PDZD2: variants seen among roughly 807,000 people sequenced by gnomAD.
PDZD2 encodes the protein PDZ domain-containing protein 2.
In PDZD2, 90 loss-of-function variants were observed where a neutral mutation model predicts 220.7. The observed-to-expected ratio is 0.41, with a 90% CI of 0.34 to 0.49. PDZD2 has a LOEUF of 0.49. Among genes scored for constraint, PDZD2 ranks in the 20% least tolerant of loss-of-function variants. The probability of loss-of-function intolerance (pLI) is 0.28; values close to 1 mark genes in which losing one functional copy is unlikely to be tolerated. For synonymous variants in PDZD2, 1,375 were observed against 1,450.5 expected, an observed-to-expected ratio of 0.95 and a Z score of 1.18; for missense variants, 3,174 against 3,608.5, an observed-to-expected ratio of 0.88 and a Z score of 3.08.
At position 32,074,646 on chromosome 5, in the gene PDZD2, A is replaced by G. The variant is rs1741114360; in HGVS notation, c.3537+3A>G. ...AGCCAGGTGGAGCTGTGGAGAAGGT[A>G]ACTGACTTTCTCTTAGTTACTTGGA... On this transcript the variant is annotated splice_donor_region_variant and intron_variant, in intron 18 of 24. Transcript: ENST00000438447. 6.3e-7 allele frequency: 1 copy of G among 1,583,856 alleles called. No homozygotes were observed. Among genetic ancestry groups the G allele is most frequent in the Non-Finnish European group, 8.6e-7 (1 of 1,163,080 alleles).
chr5:31,993,223 G>A (rs1751367927), intron 3 of PDZD2, among the ~76,000 whole-genome samples: 1 of 152,208 alleles, frequency 6.6e-6, no homozygotes, highest in Non-Finnish European at 1.5e-5. Flanking sequence ...GGATGAAATA[G>A]AGATCATTGA....
At chr5:31,734,241 T>A (rs1217965718) in intron 1 of PDZD2, among the ~76,000 whole-genome samples, 2 of 151,910 alleles carry the variant, frequency 1.3e-5, no homozygotes, top group Non-Finnish European at 2.9e-5. Context: ...CCTCTCGGGG[T>A]GTTCCACTCT....
intron 1 of PDZD2, among the ~76,000 whole-genome samples, chr5:31,680,115 C>T (rs1746595692): frequency 6.6e-6 from 1 of 152,144 alleles, no homozygotes; most frequent in African/African-American, 2.4e-5. Context: ...CTTGTCAAGT[C>T]CTCACTCATT....
chr5:31,796,453 C>A (rs17416024), intron 1 of PDZD2, among the ~76,000 whole-genome samples: 11,915 of 152,124 alleles, frequency 0.078, 601 homozygotes, highest in South Asian at 0.19. Flanking sequence ...TACTCAATCC[C>A]CACAGGAGAT....
chr5:31,698,843 C>G (rs1205276483), intron 1 of PDZD2, among the ~76,000 whole-genome samples: 1 of 152,222 alleles, frequency 6.6e-6, no homozygotes, highest in Non-Finnish European at 1.5e-5. Context: ...AGCCTGAGGT[C>G]ATCTGCCTTC....
At chr5:31,853,749 A>G (rs1478905033) in intron 2 of PDZD2, among the ~76,000 whole-genome samples, 2 of 152,212 alleles carry the variant, frequency 1.3e-5, no homozygotes, top group Non-Finnish European at 2.9e-5. Flanking sequence ...GCCCACAACC[A>G]GAGCTTAGAG....
intron 2 of PDZD2, among the ~76,000 whole-genome samples, chr5:31,971,609 A>G (rs1003932105): frequency 1.3e-5 from 2 of 151,978 alleles, no homozygotes; most frequent in African/African-American, 2.4e-5. Flanking sequence ...ATTTCTTACC[A>G]TTTTCACTGC....
intron 18 of PDZD2, among the ~76,000 whole-genome samples, chr5:32,075,018 G>T (rs1741160724): frequency 6.6e-6 from 1 of 152,116 alleles, no homozygotes; most frequent in Non-Finnish European, 1.5e-5. Context: ...CACCATATTG[G>T]TCAGGCTGGT....
rs143049807 is a variant in PDZD2, at chr5:31,807,880, C to T, written c.476+8156C>T. Among the ~76,000 whole-genome samples, 734 of 152,248 alleles carry T rather than the reference C, an allele frequency of 4.8e-3. 2 individuals are homozygous for T. Among genetic ancestry groups the T allele is most frequent in the Middle Eastern group, 0.01 (3 of 294 alleles). Reference sequence around the variant, plus strand: ...GCTGTGAGGACCAGTGGAATGTCAGCCCTGGTCAGAAGTCACCTTCAGCAC... The same window carrying T: ...GCTGTGAGGACCAGTGGAATGTCAGTCCTGGTCAGAAGTCACCTTCAGCAC... On this transcript the variant is annotated intron_variant, in intron 2 of 24. Coordinates refer to ENST00000438447, the MANE Select transcript of PDZD2 (RefSeq NM_178140.4).
chr5:31,761,860 C>CAAAA (rs112422855), intron 1 of PDZD2, among the ~76,000 whole-genome samples: 1 of 126,636 alleles, frequency 7.9e-6, no homozygotes, highest in Non-Finnish European at 1.7e-5. Flanking sequence ...AACTACATCT[C>CAAAA]AAAAAAAAAA....
At chr5:31,961,332 G>A (rs1393145871) in intron 2 of PDZD2, among the ~76,000 whole-genome samples, 1 of 150,446 alleles carries the variant, frequency 6.6e-6, no homozygotes, top group Non-Finnish European at 1.5e-5. Flanking sequence ...AGGCGTTTGA[G>A]GGCAGCTGGG....
chr5:31,806,299 G>T (rs771629442), intron 2 of PDZD2, among the ~76,000 whole-genome samples: 6 of 152,128 alleles, frequency 3.9e-5, no homozygotes, highest in Admixed American at 6.5e-5. Context: ...GGGTCGATTT[G>T]GAATGTCCAT....
At chr5:31,890,224 T>G (rs931290688) in intron 2 of PDZD2, among the ~76,000 whole-genome samples, 4 of 148,498 alleles carry the variant, frequency 2.7e-5, no homozygotes, top group Non-Finnish European at 5.9e-5. Context: ...ATGGCGGTGT[T>G]CTTTCTGTGA....
intron 6 of PDZD2, among the ~76,000 whole-genome samples, chr5:32,030,489 G>C (rs1755035597): frequency 6.6e-6 from 1 of 152,234 alleles, no homozygotes; most frequent in Non-Finnish European, 1.5e-5. Flanking sequence ...CTTTGGGAAA[G>C]ACTTAATTGA....
At chr5:31,711,700 ACCT>A (rs1748114725) in intron 1 of PDZD2, among the ~76,000 whole-genome samples, 1 of 152,046 alleles carries the variant, frequency 6.6e-6, no homozygotes, top group Non-Finnish European at 1.5e-5. Flanking sequence ...GCCAGATGGA[ACCT>A]GTGAAGTGTA....
intron 2 of PDZD2, among the ~76,000 whole-genome samples, chr5:31,862,239 A>G (rs1737785351): frequency 1.3e-5 from 2 of 150,774 alleles, no homozygotes; most frequent in African/African-American, 2.4e-5. Context: ...CAAGTAGCTG[A>G]GACTACAGGT....
At chr5:31,845,267 C>T (rs910878910) in intron 2 of PDZD2, among the ~76,000 whole-genome samples, 9 of 152,182 alleles carry the variant, frequency 5.9e-5, no homozygotes, top group South Asian at 2.1e-4. Context: ...TTAAGGTAGA[C>T]GGTTTAAATA....
At chr5:32,025,526 AAAACAAACAAACAAACAAAC>A (rs148530473) in intron 6 of PDZD2, among the ~76,000 whole-genome samples, 41 of 140,274 alleles carry the variant, frequency 2.9e-4, no homozygotes, top group Admixed American at 9.6e-4. Context: ...ACTCTGTCAC[AAAACAAACAAACAAACAAAC>A]AAACAAACAA....
intron 2 of PDZD2, 93 bp from the exon 3 acceptor site, chr5:31,983,062 C>T (rs1463184331): frequency 1.5e-6 from 2 of 1,342,502 alleles, no homozygotes; most frequent in Non-Finnish European, 2.0e-6. Context: ...GCCAACTGGT[C>T]GTCACTTGGG....
Sources: gnomAD v4.1 joint callset for allele counts (sites outside exome capture counted in the v4.1 genomes callset) on GRCh38, gnomAD v4.1.1 for gene constraint, MANE v1.5 for transcripts, NCBI Gene and HGNC (gene_info 2026-07-23, HGNC 2026-07-21) for gene names.